The following CEPT1 variants were observed in gnomAD, a reference collection of about 807,000 sequenced individuals.
CEPT1 encodes choline/ethanolaminephosphotransferase 1.
In CEPT1, 7 loss-of-function variants were observed where a neutral mutation model predicts 42.6. That is an observed-to-expected ratio of 0.16 (90% CI 0.09 to 0.31). The LOEUF (loss-of-function observed/expected upper bound fraction) is 0.31, where lower values mean the gene tolerates loss of function less well. Ranked by LOEUF, CEPT1 falls within the 10% of genes least tolerant of loss-of-function variation. The pLI is 1.00. For synonymous variants in CEPT1, 171 were observed against 171.9 expected, an observed-to-expected ratio of 0.99 and a Z score of 0.04; for missense variants, 306 against 502.1, an observed-to-expected ratio of 0.61 and a Z score of 3.73.
At chr1:111,163,469 A>T (rs1037125482) in intron 4 of CEPT1, among the ~76,000 whole-genome samples, 2 of 152,112 alleles carry the variant, frequency 1.3e-5, no homozygotes, top group Admixed American at 6.5e-5. Context: ...CTACAAAAAA[A>T]TTTTTTAAAA....
intron 7 of CEPT1, 36 bp from the exon 8 acceptor site, chr1:111,183,426 T>A (rs1657089580): frequency 6.2e-7 from 1 of 1,607,876 alleles, no homozygotes; most frequent in South Asian, 1.1e-5. Flanking sequence ...ATTGTCCTCT[T>A]ATGAAAATGC....
chr1:111,148,366 A>G (rs1655087505), intron 2 of CEPT1, among the ~76,000 whole-genome samples: 1 of 150,946 alleles, frequency 6.6e-6, no homozygotes, highest in African/African-American at 2.5e-5. Context: ...TGGTAGAATA[A>G]AGTCTTAGCA....
chr1:111,162,886 C>G (rs1300169840), intron 4 of CEPT1, among the ~76,000 whole-genome samples: 1 of 152,036 alleles, frequency 6.6e-6, no homozygotes, highest in Non-Finnish European at 1.5e-5. Flanking sequence ...AAATGTGTGA[C>G]TGTGATGTGA....
chr1:111,152,064 C>T (rs758914493), intron 2 of CEPT1, among the ~76,000 whole-genome samples: 62 of 152,104 alleles, frequency 4.1e-4, no homozygotes, highest in Non-Finnish European at 7.9e-4. Flanking sequence ...TGGTGTTAAC[C>T]TGTATTATAC....
chr1:111,168,268 T>C (rs992645502), intron 4 of CEPT1, among the ~76,000 whole-genome samples: 1 of 152,134 alleles, frequency 6.6e-6, no homozygotes, highest in Non-Finnish European at 1.5e-5. Context: ...ATTCACACTT[T>C]AGCATAAGAA....
At chr1:111,145,655 T>G (rs1280391725) in intron 1 of CEPT1, among the ~76,000 whole-genome samples, 1 of 152,230 alleles carries the variant, frequency 6.6e-6, no homozygotes, top group Non-Finnish European at 1.5e-5. Flanking sequence ...TTGTGGCATG[T>G]GACCCTGTGC....
intron 2 of CEPT1, among the ~76,000 whole-genome samples, chr1:111,154,594 C>T (rs61111709): frequency 0.036 from 5,466 of 152,208 alleles, 165 homozygotes; most frequent in East Asian, 0.14. Context: ...TGACCATTTC[C>T]CCATTCAGTA....
upstream of CEPT1, chr1:111,139,954 C>G (rs986082169): frequency 6.6e-6 from 1 of 152,464 alleles, no homozygotes; most frequent in Non-Finnish European, 1.5e-5. Flanking sequence ...CCCGAGCTGC[C>G]AGATCCCACC....
intron 1 of CEPT1, among the ~76,000 whole-genome samples, chr1:111,144,647 C>G (rs1247713091): frequency 1.3e-5 from 2 of 152,142 alleles, no homozygotes; most frequent in African/African-American, 4.8e-5. Flanking sequence ...CTATTTAGTG[C>G]CAAAAGCAGG....
At chr1:111,183,615 T>C in intron 8 of CEPT1, 28 bp downstream of exon 8, 1 of 1,595,172 alleles carries the variant, frequency 6.3e-7, no homozygotes, top group Admixed American at 1.7e-5. Context: ...TCTTATTTCA[T>C]GGTTTGAGGG....
intron 2 of CEPT1, among the ~76,000 whole-genome samples, chr1:111,150,681 T>C (rs1000457805): frequency 1.3e-5 from 2 of 152,206 alleles, no homozygotes; most frequent in Non-Finnish European, 2.9e-5. Context: ...GACACCAATC[T>C]TTCTGGTAGA....
intron 3 of CEPT1, chr1:111,160,219 T>G (rs568800336): frequency 1.8e-4 from 27 of 152,354 alleles, no homozygotes; most frequent in Non-Finnish European, 7.3e-5. Flanking sequence ...TTTGCAAGTT[T>G]TTAAAATAGT....
At chr1:111,165,136 G>T (rs113218285) in intron 4 of CEPT1, among the ~76,000 whole-genome samples, 3 of 125,802 alleles carry the variant, frequency 2.4e-5, no homozygotes, top group Non-Finnish European at 4.7e-5. Flanking sequence ...TGCAACCTCC[G>T]CCTCCTGGGT....
intron 1 of CEPT1, among the ~76,000 whole-genome samples, chr1:111,146,080 C>CTT (rs78721621): frequency 8.0e-5 from 11 of 137,520 alleles, no homozygotes; most frequent in African/African-American, 2.9e-4. Flanking sequence ...AAGATTCTTT[C>CTT]TTTTTTTTTT....
At chr1:111,174,572 A>AT (rs35283206) in intron 4 of CEPT1, among the ~76,000 whole-genome samples, 427 of 145,266 alleles carry the variant, frequency 2.9e-3, no homozygotes, top group African/African-American at 5.4e-3. Flanking sequence ...TACCTCCTCA[A>AT]TTTTTTTTTT....
intron 1 of CEPT1, among the ~76,000 whole-genome samples, chr1:111,145,573 G>T (rs1654915015): frequency 1.3e-5 from 2 of 152,218 alleles, no homozygotes; most frequent in Non-Finnish European, 2.9e-5. Context: ...AGGCTGTGGG[G>T]TGAGTGTCCC....
intron 5 of CEPT1, chr1:111,179,856 A>G (rs1048148056): frequency 1.3e-5 from 2 of 152,214 alleles, no homozygotes. Context: ...TAGAGAGTGT[A>G]CAAAATCAAT....
chr1:111,148,177 ACACAC>A, intron 2 of CEPT1, 124 bp downstream of exon 2: 6 of 725,226 alleles, frequency 8.3e-6, no homozygotes, highest in Non-Finnish European at 1.1e-5. Context: ...AAAATATCAC[ACACAC>A]TGTGATAAAG....
chr1:111,149,897 G>C (rs571134997), intron 2 of CEPT1, among the ~76,000 whole-genome samples: 23 of 152,314 alleles, frequency 1.5e-4, no homozygotes, highest in African/African-American at 5.1e-4. Flanking sequence ...GAGTATATCA[G>C]GTAATGTGTT....
Sources: allele counts gnomAD v4.1 joint callset (sites outside exome capture counted in the v4.1 genomes callset), GRCh38; gene constraint gnomAD v4.1.1; transcripts MANE v1.5; gene names NCBI Gene and HGNC (gene_info 2026-07-23, HGNC 2026-07-21).